PDE4D: variants seen among roughly 807,000 people sequenced by gnomAD.
The protein encoded by PDE4D is 3',5'-cyclic-AMP phosphodiesterase 4D.
In PDE4D, 24 loss-of-function variants were observed where a neutral mutation model predicts 87.4. The ratio of observed to expected loss-of-function variants is 0.27; its 90% confidence interval spans 0.20 to 0.39. The LOEUF is 0.39. Ranked by LOEUF, PDE4D falls within the 10% of genes least tolerant of loss-of-function variation. The probability of loss-of-function intolerance (pLI) is 1.00; values close to 1 mark genes in which losing one functional copy is unlikely to be tolerated. For missense variants in PDE4D, 714 were observed against 1,041.0 expected, an observed-to-expected ratio of 0.69 and a Z score of 4.32; for synonymous variants, 384 against 383.2, an observed-to-expected ratio of 1.00 and a Z score of -0.02.
At chr5:59,868,375 C>T (rs1403097264) in intron 1 of PDE4D, among the ~76,000 whole-genome samples, 3 of 151,960 alleles carry the variant, frequency 2.0e-5, no homozygotes, top group African/African-American at 4.8e-5. Context: ...TGTCTGCTTC[C>T]GTATTCAATC....
At chr5:60,082,907 C>T (rs551934693) in intron 2 of PDE4D, among the ~76,000 whole-genome samples, 34 of 152,278 alleles carry the variant, frequency 2.2e-4, no homozygotes, top group African/African-American at 8.2e-4. Context: ...TTGACTGACA[C>T]CTTCTGATTT....
chr5:59,371,785 C>T (rs187424423), intron 1 of PDE4D, among the ~76,000 whole-genome samples: 6 of 152,308 alleles, frequency 3.9e-5, no homozygotes, highest in African/African-American at 9.6e-5. Context: ...GGAATAAACA[C>T]GTCAAAGGCA....
intron 1 of PDE4D, among the ~76,000 whole-genome samples, chr5:60,431,891 C>T (rs10052868): frequency 0.14 from 21,324 of 152,256 alleles, 1,582 homozygotes; most frequent in African/African-American, 0.17. Context: ...GCCAACACAG[C>T]GAAACCCCGT....
At chr5:60,279,936 T>C (rs1003235453) in intron 1 of PDE4D, among the ~76,000 whole-genome samples, 9 of 152,046 alleles carry the variant, frequency 5.9e-5, no homozygotes, top group Non-Finnish European at 1.2e-4. Flanking sequence ...CGCCTCGGCC[T>C]CCCAAAGTGC....
chr5:59,377,729 A>G (rs1212788322), intron 1 of PDE4D, among the ~76,000 whole-genome samples: 1 of 152,228 alleles, frequency 6.6e-6, no homozygotes, highest in Non-Finnish European at 1.5e-5. Context: ...AGTCTTCAAC[A>G]TCACTCATCA....
At chr5:59,390,926 T>C (rs1788114004) in intron 1 of PDE4D, among the ~76,000 whole-genome samples, 1 of 152,194 alleles carries the variant, frequency 6.6e-6, no homozygotes, top group African/African-American at 2.4e-5. Flanking sequence ...TACTGTTATT[T>C]AATGATCTTT....
In PDE4D at chr5:59,612,206, T is replaced by C. The variant is rs115838700; in HGVS notation, c.455+280962A>G. On this transcript the variant is annotated intron_variant, in intron 1 of 14. Transcript: ENST00000340635. Reference sequence around the variant, plus strand: ...TGACCTAAAAACAATTAATTCAATATATATTCTGATTCCTTGATTGACACT... The same window carrying C: ...TGACCTAAAAACAATTAATTCAATACATATTCTGATTCCTTGATTGACACT... 3.3e-3 allele frequency among the ~76,000 whole-genome samples: 484 copies of C among 148,812 alleles called. 6 individuals are homozygous for C. The highest frequency in any genetic ancestry group is 0.011 in the African/African-American group (440 of 40,368).
chr5:59,932,720 T>C (rs1756106567), intron 3 of PDE4D, among the ~76,000 whole-genome samples: 1 of 152,152 alleles, frequency 6.6e-6, no homozygotes. Context: ...CTTGGAGGAA[T>C]CTGGAAAGTC....
At chr5:59,523,564 T>C (rs1054879060) in intron 1 of PDE4D, among the ~76,000 whole-genome samples, 3 of 152,220 alleles carry the variant, frequency 2.0e-5, no homozygotes, top group African/African-American at 7.2e-5. Context: ...TCATAGATGG[T>C]TGCTTACTAA....
rs559368090 is a variant in PDE4D, at chr5:59,753,875, C to T, written c.455+139293G>A. Among the ~76,000 whole-genome samples, 5 of 152,306 alleles carry T rather than the reference C, an allele frequency of 3.3e-5. No individual in the cohort carries two copies. The South Asian group carries it at 1.0e-3, about 32-fold the overall frequency. On this transcript the variant is annotated intron_variant, in intron 1 of 14. Transcript: ENST00000340635. ...GTTTGTGTATGTACGTGTTCATTTG[C>T]AAAGAAAACTCTCAAGATGAATGTA...
At chr5:59,506,660 A>G (rs1809322128) in intron 1 of PDE4D, among the ~76,000 whole-genome samples, 1 of 152,208 alleles carries the variant, frequency 6.6e-6, no homozygotes, top group Non-Finnish European at 1.5e-5. Flanking sequence ...CCCATACAGA[A>G]CACTTCAAAA....
At chr5:59,749,007 G>A (rs181592908) in intron 1 of PDE4D, among the ~76,000 whole-genome samples, 5 of 152,306 alleles carry the variant, frequency 3.3e-5, no homozygotes, top group Admixed American at 3.3e-4. Flanking sequence ...AGGAACTTTA[G>A]TCAGAACCAG....
At chr5:59,486,165 T>A (rs932423653) in intron 1 of PDE4D, among the ~76,000 whole-genome samples, 7 of 152,136 alleles carry the variant, frequency 4.6e-5, no homozygotes, top group African/African-American at 1.7e-4. Context: ...TATAGGTTCA[T>A]GGATATGGTT....
At chr5:59,099,346 G>T (rs547638311) in intron 5 of PDE4D, among the ~76,000 whole-genome samples, 1 of 152,284 alleles carries the variant, frequency 6.6e-6, no homozygotes, top group African/African-American at 2.4e-5. Context: ...GGTCAGCCCA[G>T]GAAATTCAGC....
intron 5 of PDE4D, among the ~76,000 whole-genome samples, chr5:59,135,999 T>A (rs898967839): frequency 4.0e-5 from 6 of 148,804 alleles, no homozygotes; most frequent in African/African-American, 1.3e-4. Context: ...TGAATTTGAC[T>A]ACTCAAATAT....
intron 3 of PDE4D, among the ~76,000 whole-genome samples, chr5:59,185,885 A>G (rs1267885373): frequency 1.3e-5 from 2 of 152,164 alleles, no homozygotes; most frequent in Admixed American, 6.5e-5. Flanking sequence ...ATACTCAATA[A>G]AAATTTGTTG....
At chr5:59,124,985 CT>C (rs796376607) in intron 5 of PDE4D, among the ~76,000 whole-genome samples, 7 of 134,804 alleles carry the variant, frequency 5.2e-5, no homozygotes, top group African/African-American at 1.4e-4. Flanking sequence ...CTTTTCTTTT[CT>C]TTTTTTTTCA....
chr5:59,201,599 G>T (rs1581353107), intron 2 of PDE4D, among the ~76,000 whole-genome samples: 1 of 152,076 alleles, frequency 6.6e-6, no homozygotes, highest in East Asian at 1.9e-4. Context: ...CTTGGTATTA[G>T]ACATACTTGA....
intron 1 of PDE4D, among the ~76,000 whole-genome samples, chr5:60,506,459 C>G (rs1750327142): frequency 6.6e-6 from 1 of 152,114 alleles, no homozygotes; most frequent in South Asian, 2.1e-4. Context: ...CTTCCTCTAC[C>G]TTACAAAATT....
Sources: gnomAD v4.1 joint callset for allele counts (sites outside exome capture counted in the v4.1 genomes callset) on GRCh38, gnomAD v4.1.1 for gene constraint, MANE v1.5 for transcripts, NCBI Gene and HGNC (gene_info 2026-07-23, HGNC 2026-07-21) for gene names.